OPRK1: variants seen among roughly 807,000 people sequenced by gnomAD.
The protein encoded by OPRK1 is kappa-type opioid receptor.
OPRK1 carries 15 observed loss-of-function variants against 24.5 expected under a neutral mutation model. The ratio of observed to expected loss-of-function variants is 0.61; its 90% confidence interval spans 0.41 to 0.94. The LOEUF (loss-of-function observed/expected upper bound fraction) is 0.94. OPRK1 is among the 40% of genes least tolerant of loss of function. The pLI is 0.00. For missense variants in OPRK1, 479 were observed against 507.3 expected (o/e 0.94, Z 0.54); for synonymous variants, 205 against 198.0 (o/e 1.04, Z -0.30).
chr8:53,245,914 A>G (rs1193593563), intron 2 of OPRK1, among the ~76,000 whole-genome samples: 2 of 152,156 alleles, frequency 1.3e-5, no homozygotes, highest in Non-Finnish European at 2.9e-5. Flanking sequence ...GGAAGAAGAA[A>G]TTCTGCCTGG....
rs945959747 is a variant in OPRK1, at chr8:53,227,984, G to T, written c.*1313C>A. On this transcript the variant is annotated 3_prime_UTR_variant, in exon 4 of 4. Transcript: ENST00000265572. ...ATGGTAAGTTTCAGGGGGAAAAAGA[G>T]GGAATTTATATGTCATCTGGAAGTT... 1.3e-5 allele frequency: 2 copies of T among 152,150 alleles called. No homozygotes were observed. Among genetic ancestry groups the T allele is most frequent in the Non-Finnish European group, 2.9e-5 (2 of 68,024 alleles). 9.4% of individuals were successfully genotyped at this position (152,150 alleles called of 1,614,324 possible). A position where few individuals can be genotyped will look rare whatever the true frequency, so the allele number is the denominator to read the frequency against.
chr8:53,240,826 T>C (rs1210940620), intron 2 of OPRK1, among the ~76,000 whole-genome samples: 4 of 152,146 alleles, frequency 2.6e-5, no homozygotes, highest in Non-Finnish European at 5.9e-5. Context: ...GAGTAGATCT[T>C]AACTGTACTC....
At chr8:53,230,604 C>G (rs1398681396) in intron 3 of OPRK1, among the ~76,000 whole-genome samples, 3 of 152,188 alleles carry the variant, frequency 2.0e-5, no homozygotes, top group African/African-American at 7.2e-5. Flanking sequence ...TATATTTGCT[C>G]TGCTTCTCTT....
At chr8:53,232,342 C>T (rs879459319) in intron 3 of OPRK1, among the ~76,000 whole-genome samples, 4 of 152,024 alleles carry the variant, frequency 2.6e-5, no homozygotes, top group Admixed American at 2.6e-4. Flanking sequence ...AAGGTGACTA[C>T]AGTTAACAAT....
chr8:53,246,610 G>A (rs1023290752), intron 2 of OPRK1, among the ~76,000 whole-genome samples: 3 of 152,054 alleles, frequency 2.0e-5, no homozygotes, highest in African/African-American at 7.2e-5. Context: ...GGAGCAATGA[G>A]CTTCAAAACC....
chr8:53,250,933 C>T lies in OPRK1; in HGVS notation c.105G>A (p.Glu35=). 2 of 1,611,460 alleles carry T rather than the reference C, an allele frequency of 1.2e-6. No individual in the cohort carries two copies. The change falls in exon 2 of 4, where the codon GAG becomes GAA. Residue 35 remains glutamate, a synonymous_variant. Coordinates refer to ENST00000265572, the MANE Select transcript of OPRK1 (RefSeq NM_000912.5). ...NSSAWFPGWA[E]PDSNGSAGSE... ...AGCCGGCGCTGCCGTTGCTGTCGGG[C>T]TCGGCCCAGCCGGGAAACCAGGCGC...
rs1488672337 is a variant in OPRK1, at chr8:53,228,200, AC to A, written c.*1096del. On this transcript the variant is annotated 3_prime_UTR_variant, in exon 4 of 4. Transcript: ENST00000265572. ...ACCTTGAGATCTACAGAAGCAAAAC[AC>A]CTTCCTCTCCGTGAATAGAGAGATC... 1.3e-5 allele frequency: 2 copies of A among 152,120 alleles called. No individual in the cohort carries two copies. The highest frequency in any genetic ancestry group is 2.9e-5 in the Non-Finnish European group (2 of 68,022). 9.4% of individuals were successfully genotyped at this position (152,120 alleles called of 1,614,324 possible). A position where few individuals can be genotyped will look rare whatever the true frequency, so the allele number is the denominator to read the frequency against.
intron 2 of OPRK1, among the ~76,000 whole-genome samples, chr8:53,240,271 A>G (rs1336587583): frequency 1.3e-5 from 2 of 152,238 alleles, no homozygotes; most frequent in Admixed American, 6.5e-5. Context: ...CTTCAGCTCC[A>G]ATATAATAAA....
intron 3 of OPRK1, among the ~76,000 whole-genome samples, chr8:53,230,844 C>T (rs923851899): frequency 6.6e-6 from 1 of 152,006 alleles, no homozygotes; most frequent in Non-Finnish European, 1.5e-5. Flanking sequence ...ACACCATGAG[C>T]GTGATTACAG....
At chr8:53,239,545 G>C (rs1265553666) in intron 2 of OPRK1, among the ~76,000 whole-genome samples, 1 of 152,202 alleles carries the variant, frequency 6.6e-6, no homozygotes, top group African/African-American at 2.4e-5. Context: ...TCAGGCCACA[G>C]AGGGCCCTGA....
intron 1 of OPRK1, 95 bp from the exon 2 acceptor site, chr8:53,251,180 C>A: frequency 7.5e-7 from 1 of 1,336,402 alleles, no homozygotes; most frequent in Non-Finnish European, 9.7e-7. Flanking sequence ...CGGACTCCCA[C>A]CCGGGCCGCA....
intron 2 of OPRK1, among the ~76,000 whole-genome samples, chr8:53,250,102 A>ACACACACACACACACACAC (rs370445740): frequency 6.9e-6 from 1 of 144,660 alleles, no homozygotes; most frequent in African/African-American, 2.8e-5. Context: ...CACACACACA[A>ACACACACACACACACACAC]ATAAAACCTT....
rs1263452735 is a variant in OPRK1, at chr8:53,229,679, T to G, written c.761A>C (p.Lys254Thr). The G allele has an allele frequency of 6.2e-7, 1 of 1,614,066 alleles. No homozygotes were observed. Among genetic ancestry groups the G allele is most frequent in the Non-Finnish European group, 8.5e-7 (1 of 1,180,010 alleles). Reference protein sequence around the residue: ...VCYTLMILRLKSVRLLSGSRE... With the variant: ...VCYTLMILRLTSVRLLSGSRE... ...GGAGCCAGAAAGGAGCCGGACGCTCTTGAGACGCAGGATCATCAGGGTGTA... is the reference window on the plus strand; with the variant it reads ...GGAGCCAGAAAGGAGCCGGACGCTCGTGAGACGCAGGATCATCAGGGTGTA... The change falls in exon 4 of 4, where the codon AAG (lysine) becomes ACG (threonine). Residue 254 changes from lysine to threonine, a missense_variant. By Grantham distance (78) the Lys-to-Thr change is moderately conservative. Transcript: ENST00000265572.
intron 2 of OPRK1, among the ~76,000 whole-genome samples, chr8:53,239,402 T>G (rs1807066057): frequency 6.6e-6 from 1 of 152,178 alleles, no homozygotes; most frequent in Admixed American, 6.5e-5. Flanking sequence ...ATCTTGAGAT[T>G]TGAGAAAGAT....
chr8:53,229,122 G>T lies in OPRK1; in HGVS notation c.*175C>A. ...GTTGCGTGGACCTTTTGTCCTTGAT[G>T]TTTCCACTGATCACGAACGTGGTCT... On this transcript the variant is annotated 3_prime_UTR_variant, in exon 4 of 4. Coordinates refer to ENST00000265572, the MANE Select transcript of OPRK1 (RefSeq NM_000912.5). 1.4e-6 allele frequency: 1 copy of T among 707,758 alleles called. No homozygotes were observed. The highest frequency in any genetic ancestry group is 2.3e-6 in the Non-Finnish European group (1 of 443,440). The allele number at this position is 707,758 out of a possible 1,614,324, so 43.8% of individuals were successfully genotyped here.
At chr8:53,248,488 CTCCACACCCTGGTTCT>C (rs923157386) in intron 2 of OPRK1, among the ~76,000 whole-genome samples, 3 of 152,312 alleles carry the variant, frequency 2.0e-5, no homozygotes, top group African/African-American at 7.2e-5. Context: ...GCTATGGGGC[CTCCACACCCTGGTTCT>C]GCACTCAGGC....
At chr8:53,242,795 C>G (rs1262206842) in intron 2 of OPRK1, 2 of 1,217,020 alleles carry the variant, frequency 1.6e-6, no homozygotes, top group South Asian at 1.4e-5. Context: ...CCTGAGCCAC[C>G]GCGCCCGGCC....
At position 53,235,044 on chromosome 8, in the gene OPRK1, T is replaced by G. The variant is rs975127565; in HGVS notation, c.325A>C (p.Thr109Pro). 2 of 1,614,260 alleles carry G rather than the reference T, an allele frequency of 1.2e-6. No homozygotes were observed. Among genetic ancestry groups the G allele is most frequent in the Non-Finnish European group, 1.7e-6 (2 of 1,180,050 alleles). Residue 109 changes from threonine (T) to proline (P), a missense_variant, in exon 3 of 4, where the codon ACT becomes CCT. By Grantham distance (38) the Thr-to-Pro change is conservative. Transcript: ENST00000265572. ...GTACTCTGAAAGGGCATGGTTGTAGTAACTAAAGCATCTGCCAAAGCCAGG... is the reference window on the plus strand; with the variant it reads ...GTACTCTGAAAGGGCATGGTTGTAGGAACTAAAGCATCTGCCAAAGCCAGG... The part of the protein sequence containing the change: ...FNLALADALV[T>P]TTMPFQSTVY...
intron 2 of OPRK1, among the ~76,000 whole-genome samples, chr8:53,246,097 A>G (rs966801050): frequency 6.6e-6 from 1 of 152,214 alleles, no homozygotes; most frequent in Admixed American, 6.5e-5. Context: ...AGAGCTGAGA[A>G]GGCTCTGGAG....
Sources: gnomAD v4.1 joint callset for allele counts (sites outside exome capture counted in the v4.1 genomes callset) on GRCh38, gnomAD v4.1.1 for gene constraint, MANE v1.5 for transcripts, NCBI Gene and HGNC (gene_info 2026-07-23, HGNC 2026-07-21) for gene names.